The following CERS3 variants were observed in gnomAD, a reference collection of about 807,000 sequenced individuals.
The protein encoded by CERS3 is ceramide synthase 3.
CERS3 carries 33 observed loss-of-function variants against 50.3 expected under a neutral mutation model. The observed-to-expected ratio is 0.66, with a 90% CI of 0.50 to 0.88. The LOEUF is 0.88. CERS3 is among the 40% of genes least tolerant of loss of function. The pLI is 0.00. For missense variants in CERS3, 470 were observed against 460.3 expected (o/e 1.02, Z -0.19); for synonymous variants, 176 against 155.2 (o/e 1.13, Z -0.99).
At position 100,406,860 on chromosome 15, in the gene CERS3, C is replaced by A. The variant is rs141338698; in HGVS notation, c.1000-3995G>T. ...AAGGTTTAATGAACTTACAGTTCCA[C>A]ACTGGCTGGGAGGCCTCACAATCAT... On this transcript the variant is annotated intron_variant, in intron 11 of 11. Transcript: ENST00000679737. Among the ~76,000 whole-genome samples, 38 of 152,324 alleles carry A rather than the reference C, an allele frequency of 2.5e-4. 2 individuals carry two copies. In the East Asian group the frequency reaches 6.0e-3, roughly 24 times the overall value.
At chr15:100,431,714 T>C (rs1443119275) in intron 11 of CERS3, among the ~76,000 whole-genome samples, 1 of 152,150 alleles carries the variant, frequency 6.6e-6, no homozygotes, top group Non-Finnish European at 1.5e-5. Flanking sequence ...ATTAGAATCA[T>C]TTAGTGGAAG....
intron 3 of CERS3, among the ~76,000 whole-genome samples, chr15:100,491,909 G>C (rs957274273): frequency 2.0e-5 from 3 of 146,800 alleles, no homozygotes; most frequent in African/African-American, 7.6e-5. Flanking sequence ...TTTTTTTTAA[G>C]AGATGAGGGT....
intron 11 of CERS3, among the ~76,000 whole-genome samples, chr15:100,403,662 C>T (rs947685981): frequency 5.9e-5 from 9 of 152,198 alleles, no homozygotes; most frequent in Non-Finnish European, 1.2e-4. Flanking sequence ...ACCAATTTCT[C>T]AAAAACTACA....
intron 9 of CERS3, 140 bp from the exon 10 acceptor site, chr15:100,469,624 A>G (rs2034899503): frequency 1.6e-6 from 1 of 612,028 alleles, no homozygotes; most frequent in African/African-American, 1.9e-5. Context: ...GTGGGGCAAT[A>G]GATAAAACAA....
At chr15:100,536,999 C>T (rs945372284) in intron 1 of CERS3, among the ~76,000 whole-genome samples, 13 of 152,228 alleles carry the variant, frequency 8.5e-5, no homozygotes, top group African/African-American at 3.1e-4. Context: ...AAGATGAAGG[C>T]AATGTCCCTG....
chr15:100,486,405 TG>T (rs2035485189), intron 4 of CERS3, among the ~76,000 whole-genome samples: 1 of 151,978 alleles, frequency 6.6e-6, no homozygotes, highest in South Asian at 2.1e-4. Flanking sequence ...CCATGGAAAA[TG>T]GGATATTAAG....
chr15:100,454,715 T>C (rs1011553739), intron 11 of CERS3, among the ~76,000 whole-genome samples: 1 of 152,086 alleles, frequency 6.6e-6, no homozygotes, highest in Non-Finnish European at 1.5e-5. Flanking sequence ...AATAGACACA[T>C]GGGACTATAT....
chr15:100,429,401 A>G (rs754839531), intron 11 of CERS3, among the ~76,000 whole-genome samples: 2 of 152,138 alleles, frequency 1.3e-5, no homozygotes, highest in Non-Finnish European at 2.9e-5. Flanking sequence ...CTGTAGACCT[A>G]CAGGTTTGAA....
intron 11 of CERS3, among the ~76,000 whole-genome samples, chr15:100,449,106 C>A (rs1327278309): frequency 6.6e-6 from 1 of 152,186 alleles, no homozygotes; most frequent in Non-Finnish European, 1.5e-5. Context: ...CACACTCCCT[C>A]CCCCTACTGC....
At chr15:100,452,113 T>C (rs1394325939) in intron 11 of CERS3, among the ~76,000 whole-genome samples, 1 of 150,554 alleles carries the variant, frequency 6.6e-6, no homozygotes, top group Non-Finnish European at 1.5e-5. Flanking sequence ...AACTGCACTT[T>C]ATGCCAAATG....
chr15:100,464,449 C>T (rs980853073), intron 10 of CERS3, among the ~76,000 whole-genome samples: 1 of 152,186 alleles, frequency 6.6e-6, no homozygotes, highest in African/African-American at 2.4e-5. Context: ...GCCCCCTGCA[C>T]ACTCAGCTGT....
intron 10 of CERS3, among the ~76,000 whole-genome samples, chr15:100,467,882 TAGATATAGATATAG>T (rs1567640287): frequency 0.019 from 827 of 44,598 alleles, 22 homozygotes; most frequent in Non-Finnish European, 0.04. Flanking sequence ...TAGATAGATA[TAGATATAGATATAG>T]ATATATTTAA....
intron 2 of CERS3, among the ~76,000 whole-genome samples, chr15:100,508,175 C>CT: frequency 2.0e-4 from 1 of 5,062 alleles, no homozygotes; most frequent in South Asian, 0.083. Flanking sequence ...TTGTCAGTTT[C>CT]TCCCCGTTTA....
At chr15:100,476,587 T>C (rs918153089) in intron 7 of CERS3, among the ~76,000 whole-genome samples, 1 of 152,194 alleles carries the variant, frequency 6.6e-6, no homozygotes, top group Admixed American at 6.5e-5. Flanking sequence ...GATGTCTTAA[T>C]CTCTTTTCTG....
At position 100,472,992 on chromosome 15, in the gene CERS3, A is replaced by C. The variant is rs757063256; in HGVS notation, c.670T>G (p.Cys224Gly). 1 of 1,614,020 alleles carries C rather than the reference A, an allele frequency of 6.2e-7. No homozygotes were observed. The highest frequency in any genetic ancestry group is 1.1e-5 in the South Asian group (1 of 91,082). Reference sequence around the variant, plus strand: ...GTCCCACTGCGAATATAATTAGCACACCAAGAGAAGCTCATCAGACTAATA... The same window carrying C: ...GTCCCACTGCGAATATAATTAGCACCCCAAGAGAAGCTCATCAGACTAATA... Reference protein sequence around the residue: ...AAISLMSFSWCANYIRSGTLV... With the variant: ...AAISLMSFSWGANYIRSGTLV... Residue 224 changes from cysteine to glycine, a missense_variant, in exon 9 of 12, where the codon TGT becomes GGT. Coordinates refer to ENST00000679737, the MANE Select transcript of CERS3 (RefSeq NM_001378789.1).
intron 11 of CERS3, among the ~76,000 whole-genome samples, chr15:100,439,786 C>G (rs888105274): frequency 1.3e-5 from 2 of 152,160 alleles, no homozygotes; most frequent in African/African-American, 4.8e-5. Context: ...AAACAGAGTA[C>G]ACATGCAAGA....
intron 11 of CERS3, among the ~76,000 whole-genome samples, chr15:100,429,875 G>A (rs1280690080): frequency 1.3e-5 from 2 of 152,052 alleles, no homozygotes; most frequent in African/African-American, 2.4e-5. Flanking sequence ...AAGAAAAGGT[G>A]AGCACAATAA....
At chr15:100,426,692 A>G (rs1016914994) in intron 11 of CERS3, among the ~76,000 whole-genome samples, 14 of 152,188 alleles carry the variant, frequency 9.2e-5, no homozygotes, top group African/African-American at 3.4e-4. Flanking sequence ...ATGACTCCCA[A>G]GTTTATATCC....
intron 10 of CERS3, among the ~76,000 whole-genome samples, chr15:100,457,260 G>T (rs2034404391): frequency 6.6e-6 from 1 of 151,990 alleles, no homozygotes; most frequent in Non-Finnish European, 1.5e-5. Context: ...ATGTCTATAG[G>T]TTTATTTAAA....
Sources: gnomAD v4.1 joint callset for allele counts (sites outside exome capture counted in the v4.1 genomes callset) on GRCh38, gnomAD v4.1.1 for gene constraint, MANE v1.5 for transcripts, NCBI Gene and HGNC (gene_info 2026-07-23, HGNC 2026-07-21) for gene names.